The following CCDC6 variants were observed in gnomAD, a reference collection of about 807,000 sequenced individuals.
CCDC6 encodes coiled-coil domain containing 6, also known as coiled-coil domain-containing protein 6.
In CCDC6, 20 loss-of-function variants were observed where a neutral mutation model predicts 56.6. The observed-to-expected ratio is 0.35, with a 90% CI of 0.25 to 0.51. The LOEUF (loss-of-function observed/expected upper bound fraction) is 0.51. Among genes scored for constraint, CCDC6 ranks in the 20% least tolerant of loss-of-function variants. The pLI, the probability that CCDC6 is intolerant of heterozygous loss-of-function variation, is 0.95. For missense variants in CCDC6, 367 were observed against 601.1 expected (o/e 0.61, Z 4.07); for synonymous variants, 241 against 234.4 (o/e 1.03, Z -0.26).
intron 3 of CCDC6, among the ~76,000 whole-genome samples, chr10:59,821,060 G>C (rs1187763007): frequency 1.3e-5 from 2 of 151,228 alleles, no homozygotes; most frequent in Non-Finnish European, 2.9e-5. Flanking sequence ...CTGACCTGGG[G>C]GTACATCAAC....
intron 1 of CCDC6, among the ~76,000 whole-genome samples, chr10:59,883,017 G>C (rs2071356809): frequency 7.0e-6 from 1 of 141,884 alleles, no homozygotes; most frequent in African/African-American, 2.8e-5. Context: ...CGTATTGATC[G>C]ACTTTAACTG....
intron 7 of CCDC6, among the ~76,000 whole-genome samples, chr10:59,803,963 C>T (rs972435267): frequency 6.6e-6 from 1 of 152,172 alleles, no homozygotes; most frequent in Non-Finnish European, 1.5e-5. Context: ...CTCTGAATTG[C>T]TGCTTCCTCA....
chr10:59,906,499 G>T lies in CCDC6; in HGVS notation c.-75C>A. Reference sequence around the variant, plus strand: ...GACGAAGGCCGGGCTGCGAATGAGTGGGCGCCGGGCGAGCACAGGGGAGCG... The same window carrying T: ...GACGAAGGCCGGGCTGCGAATGAGTTGGCGCCGGGCGAGCACAGGGGAGCG... On this transcript the variant is annotated 5_prime_UTR_variant, in exon 1 of 9. Transcript: ENST00000263102. 7.8e-7 allele frequency: 1 copy of T among 1,289,774 alleles called. No individual in the cohort carries two copies. Among genetic ancestry groups the T allele is most frequent in the Non-Finnish European group, 1.0e-6 (1 of 984,678 alleles). The allele number at this position is 1,289,774 out of a possible 1,614,324, so 79.9% of individuals were successfully genotyped here.
chr10:59,897,410 T>G (rs1385354946), intron 1 of CCDC6, among the ~76,000 whole-genome samples: 1 of 152,012 alleles, frequency 6.6e-6, no homozygotes, highest in Admixed American at 6.5e-5. Flanking sequence ...TGCACCACCA[T>G]GCCCAGCTAA....
intron 1 of CCDC6, among the ~76,000 whole-genome samples, chr10:59,863,654 C>A (rs1043542699): frequency 6.6e-6 from 1 of 152,096 alleles, no homozygotes; most frequent in Non-Finnish European, 1.5e-5. Context: ...ACATTTTACA[C>A]GTGTAAATTT....
At chr10:59,872,787 T>G (rs3099367) in intron 1 of CCDC6, among the ~76,000 whole-genome samples, 30,875 of 67,014 alleles carry the variant, frequency 0.46, 4,787 homozygotes, top group African/African-American at 0.55. Context: ...GATGGGGGGG[T>G]GGGGGAAGGT....
At chr10:59,849,415 G>A (rs985198368) in intron 2 of CCDC6, among the ~76,000 whole-genome samples, 1 of 152,168 alleles carries the variant, frequency 6.6e-6, no homozygotes, top group African/African-American at 2.4e-5. Context: ...AGGGCAAAGG[G>A]ATTTACTCTC....
intron 1 of CCDC6, among the ~76,000 whole-genome samples, chr10:59,894,274 T>A (rs895138567): frequency 6.6e-6 from 1 of 152,146 alleles, no homozygotes; most frequent in Non-Finnish European, 1.5e-5. Context: ...CAGCCCAGAG[T>A]TGCCCAGCTG....
intron 1 of CCDC6, among the ~76,000 whole-genome samples, chr10:59,898,306 C>G (rs2071478946): frequency 6.6e-6 from 1 of 152,082 alleles, no homozygotes; most frequent in South Asian, 2.1e-4. Flanking sequence ...AAAAACAAAC[C>G]AAAAGCCTCC....
intron 1 of CCDC6, among the ~76,000 whole-genome samples, chr10:59,896,083 G>A (rs1043574366): frequency 6.6e-6 from 1 of 152,264 alleles, no homozygotes; most frequent in Admixed American, 6.5e-5. Context: ...AATGAAAAAC[G>A]TTCCTGGACT....
chr10:59,797,013 C>T (rs1933164008), intron 7 of CCDC6, among the ~76,000 whole-genome samples: 2 of 150,968 alleles, frequency 1.3e-5, no homozygotes, highest in Admixed American at 1.3e-4. Context: ...CACTGTCCAT[C>T]AACGGATGAG....
At chr10:59,892,529 C>T (rs1307386428) in intron 1 of CCDC6, among the ~76,000 whole-genome samples, 2 of 152,166 alleles carry the variant, frequency 1.3e-5, no homozygotes, top group Non-Finnish European at 2.9e-5. Flanking sequence ...CACCCCCGCT[C>T]AGCTTTCAAG....
At chr10:59,813,798 T>C (rs1277584778) in intron 4 of CCDC6, among the ~76,000 whole-genome samples, 2 of 152,238 alleles carry the variant, frequency 1.3e-5, no homozygotes, top group South Asian at 2.1e-4. Context: ...GTATTTCTTA[T>C]AGATATAGCT....
intron 3 of CCDC6, 65 bp from the exon 4 acceptor site, chr10:59,814,820 G>T: frequency 9.4e-7 from 1 of 1,065,528 alleles, no homozygotes; most frequent in Non-Finnish European, 1.5e-6. Context: ...TACATTTTTT[G>T]ATTGAACAAT....
intron 3 of CCDC6, among the ~76,000 whole-genome samples, chr10:59,826,853 T>C (rs1391962258): frequency 6.6e-6 from 1 of 152,146 alleles, no homozygotes; most frequent in Non-Finnish European, 1.5e-5. Context: ...CAAAGTACCA[T>C]AGGAATTAGA....
Position 59,818,502 on chromosome 10 carries a change from G to T in CCDC6, c.583-3747C>A, listed in dbSNP as rs921459688. Among the ~76,000 whole-genome samples the T allele has an allele frequency of 1.1e-3, 150 of 140,666 alleles. 3 individuals carry two copies. Among genetic ancestry groups the T allele is most frequent in the Admixed American group, 1.3e-3 (18 of 14,212 alleles). 92.3% of individuals were successfully genotyped at this position (140,666 alleles called of 152,430 possible). A position where few individuals can be genotyped will look rare whatever the true frequency, so the allele number is the denominator to read the frequency against. On this transcript the variant is annotated intron_variant, in intron 3 of 8. Coordinates refer to ENST00000263102, the MANE Select transcript of CCDC6 (RefSeq NM_005436.5). ...CTTTTATTATAATGTTGACGGGGGGGGGGGAAGCAGATTCTCAGTGGGGCC... is the reference window on the plus strand; with the variant it reads ...CTTTTATTATAATGTTGACGGGGGGTGGGGAAGCAGATTCTCAGTGGGGCC...
At chr10:59,873,382 C>A (rs1195218695) in intron 1 of CCDC6, among the ~76,000 whole-genome samples, 2 of 152,020 alleles carry the variant, frequency 1.3e-5, no homozygotes, top group African/African-American at 2.4e-5. Flanking sequence ...ACTTCAGAGG[C>A]AGGAACTGAA....
At chr10:59,904,644 GC>G (rs1248153163) in intron 1 of CCDC6, among the ~76,000 whole-genome samples, 1 of 152,066 alleles carries the variant, frequency 6.6e-6, no homozygotes, top group African/African-American at 2.4e-5. Flanking sequence ...CAAATTCCCC[GC>G]CCCCCACCTT....
intron 1 of CCDC6, 53 bp from the exon 2 acceptor site, chr10:59,852,755 A>C (rs1339663298): frequency 7.2e-7 from 1 of 1,380,304 alleles, no homozygotes; most frequent in African/African-American, 1.5e-5. Flanking sequence ...TTAAGGAAAC[A>C]GGAAATTTAC....
Sources: allele counts gnomAD v4.1 joint callset (sites outside exome capture counted in the v4.1 genomes callset), GRCh38; gene constraint gnomAD v4.1.1; transcripts MANE v1.5; gene names NCBI Gene and HGNC (gene_info 2026-07-23, HGNC 2026-07-21).